Variants in TYR observed in about 807,000 individuals in gnomAD.
TYR encodes tyrosinase, also known as LB24-AB.
Under a neutral mutation model 51.5 loss-of-function variants are expected in TYR, and 58 were observed. The observed-to-expected ratio is 1.13, with a 90% CI of 0.91 to 1.40. The LOEUF is 1.40. Among genes scored for constraint, TYR ranks in the 40% most tolerant of loss-of-function variants. The pLI, the probability that TYR is intolerant of heterozygous loss-of-function variation, is 0.00. For synonymous variants in TYR, 263 were observed against 235.2 expected, an observed-to-expected ratio of 1.12 and a Z score of -1.08; for missense variants, 732 against 647.4, an observed-to-expected ratio of 1.13 and a Z score of -1.42.
intron 3 of TYR, among the ~76,000 whole-genome samples, chr11:89,235,996 T>C (rs1655952278): frequency 6.6e-6 from 1 of 152,182 alleles, no homozygotes; most frequent in South Asian, 2.1e-4. Flanking sequence ...AGTGTCAATT[T>C]GTCTAGATGC....
At position 89,194,654 on chromosome 11, in the gene TYR, A is replaced by G. The variant is rs1042000750; in HGVS notation, c.1036+3236A>G. Among the ~76,000 whole-genome samples the G allele has an allele frequency of 3.4e-5, 4 of 119,314 alleles. No homozygotes were observed. The East Asian group carries it at 1.1e-3, about 32-fold the overall frequency. 78.3% of individuals were successfully genotyped at this position (119,314 alleles called of 152,430 possible). ...TTAGCAAAAATCCTCCATTTTTTCTATCTATCTATCTATCTATCTATCTAT... is the reference window on the plus strand; with the variant it reads ...TTAGCAAAAATCCTCCATTTTTTCTGTCTATCTATCTATCTATCTATCTAT... On this transcript the variant is annotated intron_variant, in intron 2 of 4. Transcript: ENST00000263321.
intron 2 of TYR, chr11:89,200,671 G>C (rs1180093809): frequency 6.6e-6 from 1 of 151,944 alleles, no homozygotes; most frequent in Non-Finnish European, 1.5e-5. Context: ...ATACTAAGTG[G>C]AATGAGATTA....
chr11:89,183,639 T>G (rs1359222204), intron 1 of TYR, among the ~76,000 whole-genome samples: 2 of 152,092 alleles, frequency 1.3e-5, no homozygotes, highest in Non-Finnish European at 2.9e-5. Context: ...ATTAGAATAA[T>G]ATAGGTTAAA....
At chr11:89,236,945 G>A (rs1156319649) in intron 3 of TYR, among the ~76,000 whole-genome samples, 4 of 152,038 alleles carry the variant, frequency 2.6e-5, no homozygotes, top group African/African-American at 9.7e-5. Context: ...TTCCCAACTT[G>A]GCATTCAGTG....
chr11:89,247,743 T>A (rs190589164), intron 3 of TYR, among the ~76,000 whole-genome samples: 1 of 151,814 alleles, frequency 6.6e-6, no homozygotes, highest in African/African-American at 2.4e-5. Context: ...GAGGGAAGAG[T>A]GTCAACCTCT....
chr11:89,239,550 C>A (rs191231422), intron 3 of TYR, among the ~76,000 whole-genome samples: 1 of 152,060 alleles, frequency 6.6e-6, no homozygotes, highest in Non-Finnish European at 1.5e-5. Context: ...TCATTTACTT[C>A]TTCTCTGATG....
intron 4 of TYR, 107 bp from the exon 5 acceptor site, chr11:89,295,036 C>T: frequency 6.5e-7 from 1 of 1,536,272 alleles, no homozygotes; most frequent in Non-Finnish European, 8.8e-7. Flanking sequence ...GTAGAGCTGG[C>T]CTTCAAACCC....
At chr11:89,226,347 T>G (rs1275540159) in intron 2 of TYR, among the ~76,000 whole-genome samples, 5 of 152,152 alleles carry the variant, frequency 3.3e-5, no homozygotes, top group Non-Finnish European at 7.4e-5. Flanking sequence ...GGTACTTAAT[T>G]GGTCAGATCC....
At chr11:89,292,903 A>C (rs1944866370) in intron 4 of TYR, among the ~76,000 whole-genome samples, 1 of 152,110 alleles carries the variant, frequency 6.6e-6, no homozygotes, top group South Asian at 2.1e-4. Context: ...TAGCACAGGG[A>C]TTTCAACTTT....
chr11:89,273,990 T>A (rs577552934), intron 3 of TYR, among the ~76,000 whole-genome samples: 1 of 151,106 alleles, frequency 6.6e-6, no homozygotes, highest in Non-Finnish European at 1.5e-5. Flanking sequence ...AAAGATCTTA[T>A]CTCCAAATAA....
intron 2 of TYR, among the ~76,000 whole-genome samples, chr11:89,201,331 A>G (rs770565280): frequency 1.3e-5 from 2 of 152,190 alleles, no homozygotes; most frequent in Non-Finnish European, 2.9e-5. Flanking sequence ...TTTATCTCTG[A>G]ATCCTACATT....
intron 3 of TYR, among the ~76,000 whole-genome samples, chr11:89,280,085 C>T (rs1944703878): frequency 1.3e-5 from 2 of 151,572 alleles, no homozygotes; most frequent in Admixed American, 6.6e-5. Context: ...CTACTCTGTT[C>T]CTTTGAAATA....
intron 4 of TYR, among the ~76,000 whole-genome samples, chr11:89,288,819 C>T (rs1944823714): frequency 6.6e-6 from 1 of 151,906 alleles, no homozygotes; most frequent in African/African-American, 2.4e-5. Flanking sequence ...CATATTGTTG[C>T]CTCTGTTGTA....
chr11:89,236,606 T>C (rs10765198), intron 3 of TYR, among the ~76,000 whole-genome samples: 47,825 of 152,080 alleles, frequency 0.31, 8,165 homozygotes, highest in African/African-American at 0.45. Flanking sequence ...TACCACAGAA[T>C]ATTGTGTGGC....
intron 4 of TYR, among the ~76,000 whole-genome samples, chr11:89,288,477 T>A (rs1265503454): frequency 6.6e-6 from 1 of 151,974 alleles, no homozygotes; most frequent in African/African-American, 2.4e-5. Context: ...GCAACAAAAT[T>A]TCCTGGATGA....
intron 3 of TYR, among the ~76,000 whole-genome samples, chr11:89,253,194 C>T (rs537650002): frequency 1.3e-5 from 2 of 151,818 alleles, no homozygotes; most frequent in Admixed American, 1.3e-4. Context: ...AAGTCAGTAC[C>T]TATTGCAAAA....
chr11:89,287,549 A>C (rs1481707407), intron 4 of TYR, among the ~76,000 whole-genome samples: 1 of 151,896 alleles, frequency 6.6e-6, no homozygotes, highest in Admixed American at 6.6e-5. Flanking sequence ...CTGCTTGCTG[A>C]AAAACTCATT....
Position 89,189,455 on chromosome 11 carries a change from A to T in TYR, c.820-1747A>T, listed in dbSNP as rs575503312. On this transcript the variant is annotated intron_variant, in intron 1 of 4. Coordinates refer to ENST00000263321, the MANE Select transcript of TYR (RefSeq NM_000372.5). ...GAGTATTGTACTGCACATCAAAAAA[A>T]AAAGGGACAATAATAGGATATTTTA... Among the ~76,000 whole-genome samples the T allele has an allele frequency of 2.3e-3, 350 of 152,244 alleles. 1 individual carries two copies. Among genetic ancestry groups the T allele is most frequent in the African/African-American group, 3.2e-3 (133 of 41,582 alleles).
chr11:89,270,411 C>T (rs1590891240), intron 3 of TYR, among the ~76,000 whole-genome samples: 1 of 151,918 alleles, frequency 6.6e-6, no homozygotes, highest in South Asian at 2.1e-4. Flanking sequence ...GGGCCCTTCT[C>T]TGCTGGCATT....
Sources: gnomAD v4.1 joint callset for allele counts (sites outside exome capture counted in the v4.1 genomes callset) on GRCh38, gnomAD v4.1.1 for gene constraint, MANE v1.5 for transcripts, NCBI Gene and HGNC (gene_info 2026-07-23, HGNC 2026-07-21) for gene names.